The following SBF2 variants were observed in gnomAD, a reference collection of about 807,000 sequenced individuals.
The protein encoded by SBF2 is SET binding factor 2.
SBF2 carries 112 observed loss-of-function variants against 225.2 expected under a neutral mutation model. That is an observed-to-expected ratio of 0.50 (90% CI 0.43 to 0.58). The LOEUF is 0.58. Among genes scored for constraint, SBF2 ranks in the 20% least tolerant of loss-of-function variants. SBF2 has a pLI of 0.00. For missense variants in SBF2, 1,996 were observed against 2,206.2 expected (o/e 0.90, Z 1.91); for synonymous variants, 763 against 773.3 (o/e 0.99, Z 0.22).
intron 2 of SBF2, among the ~76,000 whole-genome samples, chr11:10,067,367 T>G (rs568459036): frequency 1.3e-5 from 2 of 152,262 alleles, no homozygotes; most frequent in South Asian, 4.1e-4. Flanking sequence ...GGTTGTGTGT[T>G]TGTTTTTTTG....
At position 9,781,779 on chromosome 11, in the gene SBF2, TTAA is replaced by T. The variant is rs1852024745; in HGVS notation, c.5320-144_5320-142del. 8 of 959,092 alleles carry T rather than the reference TTAA, an allele frequency of 8.3e-6. No individual in the cohort carries two copies. In the South Asian group the frequency reaches 9.6e-5, roughly 12 times the overall value. The allele number at this position is 959,092 out of a possible 1,614,324, so 59.4% of individuals were successfully genotyped here. ...CCTCGAAGAATACACAAAAAATTAA[TTAA>T]TAATACTTGTTGCTTCTAGGAAGAA... On this transcript the variant is annotated intron_variant, in intron 38 of 39. Transcript: ENST00000256190.
intron 16 of SBF2, among the ~76,000 whole-genome samples, chr11:9,916,520 A>T (rs918081622): frequency 6.6e-6 from 1 of 152,040 alleles, no homozygotes; most frequent in African/African-American, 2.4e-5. Flanking sequence ...GGTGGTCAGG[A>T]TAGTAACATG....
At chr11:9,863,188 A>ACTCATGGGG (rs1857904455) in intron 17 of SBF2, among the ~76,000 whole-genome samples, 1 of 152,176 alleles carries the variant, frequency 6.6e-6, no homozygotes, top group African/African-American at 2.4e-5. Flanking sequence ...TGAAGAATAA[A>ACTCATGGGG]CTCATGGGGC....
chr11:10,125,108 C>CAAAA (rs374673085), intron 2 of SBF2, among the ~76,000 whole-genome samples: 4 of 102,448 alleles, frequency 3.9e-5, no homozygotes, highest in Admixed American at 1.1e-4. Context: ...GACTGTGTCT[C>CAAAA]AAAAAAAAAA....
intron 1 of SBF2, among the ~76,000 whole-genome samples, chr11:10,268,727 T>G (rs186076394): frequency 6.6e-6 from 1 of 151,790 alleles, no homozygotes; most frequent in Non-Finnish European, 1.5e-5. Context: ...TCTCTACGGA[T>G]AGCATACTGT....
intron 2 of SBF2, among the ~76,000 whole-genome samples, chr11:10,102,593 G>A (rs1336442772): frequency 6.6e-6 from 1 of 152,170 alleles, no homozygotes; most frequent in Non-Finnish European, 1.5e-5. Context: ...AAGAGTAATG[G>A]GACAAAACTG....
intron 2 of SBF2, among the ~76,000 whole-genome samples, chr11:10,052,343 G>A (rs2134719218): frequency 6.6e-6 from 1 of 152,154 alleles, no homozygotes; most frequent in East Asian, 1.9e-4. Flanking sequence ...TATGAGCAAC[G>A]ACTTGTTTTT....
intron 6 of SBF2, among the ~76,000 whole-genome samples, chr11:10,020,410 G>T (rs1448947317): frequency 6.6e-6 from 1 of 152,110 alleles, no homozygotes; most frequent in Non-Finnish European, 1.5e-5. Flanking sequence ...CTCAAGGGAA[G>T]AATCAGGGGA....
intron 16 of SBF2, among the ~76,000 whole-genome samples, chr11:9,900,044 T>TTAAA (rs1445085946): frequency 7.1e-6 from 1 of 140,454 alleles, no homozygotes; most frequent in Non-Finnish European, 1.5e-5. Context: ...TTTTTTTTTT[T>TTAAA]AAAAAAAAAA....
chr11:9,862,601 A>T (rs1857849237), intron 17 of SBF2, among the ~76,000 whole-genome samples: 1 of 152,234 alleles, frequency 6.6e-6, no homozygotes, highest in Non-Finnish European at 1.5e-5. Context: ...TAATATAATT[A>T]TGTAGGGAAA....
intron 6 of SBF2, among the ~76,000 whole-genome samples, chr11:10,004,606 A>T (rs1590733282): frequency 7.1e-6 from 1 of 141,522 alleles, no homozygotes; most frequent in Admixed American, 7.1e-5. Flanking sequence ...CAAACTACAT[A>T]CCTCCCATAC....
At chr11:9,943,011 G>GAA (rs1865373416) in intron 16 of SBF2, among the ~76,000 whole-genome samples, 1 of 142,158 alleles carries the variant, frequency 7.0e-6, no homozygotes, top group Non-Finnish European at 1.6e-5. Flanking sequence ...AAGAAAGAAA[G>GAA]AGAAAGAAAG....
chr11:10,196,858 A>ATTTTTTTTT (rs1268280949), intron 1 of SBF2, among the ~76,000 whole-genome samples: 1 of 17,084 alleles, frequency 5.9e-5, no homozygotes, highest in Non-Finnish European at 2.0e-4. Context: ...ATATATATAT[A>ATTTTTTTTT]TATATATATT....
At chr11:10,029,080 C>T (rs373649424) in intron 5 of SBF2, among the ~76,000 whole-genome samples, 3 of 152,110 alleles carry the variant, frequency 2.0e-5, no homozygotes, top group African/African-American at 7.2e-5. Context: ...CTTTGTCAGA[C>T]TGAAGACAAT....
intron 28 of SBF2, among the ~76,000 whole-genome samples, chr11:9,827,495 T>C (rs1056346863): frequency 1.3e-5 from 2 of 150,366 alleles, no homozygotes; most frequent in East Asian, 3.9e-4. Flanking sequence ...ACAGTTCCAC[T>C]GCACTCCAGC....
At chr11:9,866,570 A>T (rs991984763) in intron 17 of SBF2, among the ~76,000 whole-genome samples, 9 of 152,252 alleles carry the variant, frequency 5.9e-5, no homozygotes, top group African/African-American at 2.2e-4. Flanking sequence ...CATATACAAA[A>T]ATCAAATCAA....
chr11:9,871,527 T>C (rs1858744230), intron 17 of SBF2, among the ~76,000 whole-genome samples: 1 of 148,456 alleles, frequency 6.7e-6, no homozygotes. Context: ...AGTCTCACTC[T>C]GTTGCCCAGG....
At chr11:9,901,571 A>G (rs1211002184) in intron 16 of SBF2, among the ~76,000 whole-genome samples, 1 of 152,260 alleles carries the variant, frequency 6.6e-6, no homozygotes. Context: ...ATACCAGATT[A>G]TAAACACGAC....
chr11:9,985,024 T>G (rs1248670342), intron 13 of SBF2, among the ~76,000 whole-genome samples: 3 of 151,890 alleles, frequency 2.0e-5, no homozygotes, highest in African/African-American at 7.3e-5. Context: ...AAATACAAGT[T>G]AAAAAGCAAT....
Sources: allele counts gnomAD v4.1 joint callset (sites outside exome capture counted in the v4.1 genomes callset), GRCh38; gene constraint gnomAD v4.1.1; transcripts MANE v1.5; gene names NCBI Gene and HGNC (gene_info 2026-07-23, HGNC 2026-07-21).